Variants in IQANK1 observed in about 807,000 individuals in gnomAD.
IQANK1 encodes the protein IQ motif and ankyrin repeat containing 1.
In IQANK1, 30 loss-of-function variants were observed where a neutral mutation model predicts 22.6. The ratio of observed to expected loss-of-function variants is 1.33; its 90% CI spans 0.99 to 1.80. The LOEUF (loss-of-function observed/expected upper bound fraction) is 1.80. IQANK1 is among the 40% of genes most tolerant of loss of function. The probability of loss-of-function intolerance (pLI) is 0.00; values close to 1 mark genes in which losing one functional copy is unlikely to be tolerated. For missense variants in IQANK1, 275 were observed against 235.2 expected, an observed-to-expected ratio of 1.17 and a Z score of -1.11; for synonymous variants, 122 against 99.6, an observed-to-expected ratio of 1.23 and a Z score of -1.34.
rs1818699871 is a variant in IQANK1 at position 143,735,251 on chromosome 8, C to T, written c.-4-599C>T. On this transcript the variant is annotated intron_variant, in intron 1 of 13. Transcript: ENST00000527139. This position sits in a 1 kb window ranked among gnomAD's most constrained non-coding sequence, Gnocchi z 5.2. ...CGGGGAGGACCCGGACAGGCTGGGGCAGGCAGGAGGAGCCTCCCAGGGAAA... is the reference window on the plus strand; with the variant it reads ...CGGGGAGGACCCGGACAGGCTGGGGTAGGCAGGAGGAGCCTCCCAGGGAAA... 1.3e-5 allele frequency among the ~76,000 whole-genome samples: 2 copies of T among 152,300 alleles called. No individual in the cohort carries two copies. Among genetic ancestry groups the T allele is most frequent in the South Asian group, 4.1e-4 (2 of 4,826 alleles).
chr8:143,767,476 A>C (rs1418184263), intron 3 of IQANK1, among the ~76,000 whole-genome samples: 1 of 152,162 alleles, frequency 6.6e-6, no homozygotes. Flanking sequence ...AAGTAACAGA[A>C]TTAGTATGGG....
chr8:143,788,780 G>A (rs375672741), intron 7 of IQANK1, 135 bp from the exon 8 acceptor site: 7 of 397,076 alleles, frequency 1.8e-5, no homozygotes, highest in Admixed American at 4.4e-5. Context: ...GGCCCACCAC[G>A]CACCAGCTGT....
intron 7 of IQANK1, among the ~76,000 whole-genome samples, chr8:143,785,466 G>T (rs61245451): frequency 2.6e-5 from 4 of 151,978 alleles, no homozygotes; most frequent in African/African-American, 9.7e-5. Flanking sequence ...ATGTTGGCTA[G>T]GCTGGTCTTG....
At chr8:143,736,221 C>G (rs1431963879) in intron 2 of IQANK1, among the ~76,000 whole-genome samples, 1 of 151,320 alleles carries the variant, frequency 6.6e-6, no homozygotes, top group Non-Finnish European at 1.5e-5. Flanking sequence ...CTCACTGCAA[C>G]CTCCGCCTCC....
intron 7 of IQANK1, among the ~76,000 whole-genome samples, chr8:143,775,376 G>A (rs1554630267): frequency 1.4e-5 from 2 of 138,748 alleles, no homozygotes. Context: ...ACACACACAC[G>A]AAAAATGACC....
At chr8:143,756,858 G>A (rs2129858939) in intron 3 of IQANK1, among the ~76,000 whole-genome samples, 1 of 151,050 alleles carries the variant, frequency 6.6e-6, no homozygotes, top group African/African-American at 2.4e-5. Flanking sequence ...CACACTTTTA[G>A]TCCTAGCCAC....
At chr8:143,773,738 C>T (rs1819630979) in intron 7 of IQANK1, among the ~76,000 whole-genome samples, 1 of 152,214 alleles carries the variant, frequency 6.6e-6, no homozygotes, top group Admixed American at 6.5e-5. Flanking sequence ...TCTCTTCTTT[C>T]TCCTTGTCTG....
At chr8:143,789,713 C>T in intron 10 of IQANK1, 48 bp from the exon 11 acceptor site, 1 of 1,225,190 alleles carries the variant, frequency 8.2e-7, no homozygotes, top group Non-Finnish European at 1.0e-6. Context: ...CCCTCTCCAG[C>T]CAGAGCATGG....
intron 7 of IQANK1, among the ~76,000 whole-genome samples, 195 bp from the exon 8 acceptor site, chr8:143,788,720 G>T (rs1554631732): frequency 6.6e-6 from 1 of 152,144 alleles, no homozygotes; most frequent in East Asian, 1.9e-4. Context: ...CCAGCGGCCT[G>T]GGTGGCCTGG....
chr8:143,777,520 TAAAA>T (rs58155811), intron 7 of IQANK1, among the ~76,000 whole-genome samples: 19 of 98,418 alleles, frequency 1.9e-4, no homozygotes, highest in Non-Finnish European at 1.1e-4. Context: ...GACTCCGTCT[TAAAA>T]AAAAAAAAAA....
rs1221806185 is a variant in IQANK1, at chr8:143,790,063, CG to C, written c.1289+1del. On this transcript the variant is annotated frameshift_variant and splice_region_variant, in exon 12 of 14. Coordinates refer to ENST00000527139, the MANE Select transcript of IQANK1 (RefSeq NM_001381874.1). LOFTEE classifies it high-confidence loss of function. ...DVGNRIRADGRWPLVIDPLGQ... is the reference protein window; with the variant it reads ...DVGNRIRADGXWPLVIDPLGQ... ...AGGCAACCGCATCCGTGCCGATGGCCGGTCAGTTCTCCGGGCCAGACGTGGG... is the reference window on the plus strand; with the variant it reads ...AGGCAACCGCATCCGTGCCGATGGCCGTCAGTTCTCCGGGCCAGACGTGGG... 6.5e-6 allele frequency: 8 copies of C among 1,231,992 alleles called. No individual in the cohort carries two copies. Among genetic ancestry groups the C allele is most frequent in the Non-Finnish European group, 8.1e-6 (8 of 988,014 alleles). 76.3% of individuals were successfully genotyped at this position (1,231,992 alleles called of 1,614,324 possible). A position where few individuals can be genotyped will look rare whatever the true frequency, so the allele number is the denominator to read the frequency against.
chr8:143,749,456 CATATATA>C (rs1390323380), intron 3 of IQANK1, among the ~76,000 whole-genome samples: 1 of 127,828 alleles, frequency 7.8e-6, no homozygotes, highest in Non-Finnish European at 1.6e-5. Context: ...TATTATATAT[CATATATA>C]ATATATAAAT....
At chr8:143,781,885 C>T (rs192482893) in intron 7 of IQANK1, among the ~76,000 whole-genome samples, 1 of 152,144 alleles carries the variant, frequency 6.6e-6, no homozygotes, top group Admixed American at 6.6e-5. Flanking sequence ...GGAATAGCGT[C>T]GAATCTGTAA....
intron 3 of IQANK1, among the ~76,000 whole-genome samples, chr8:143,749,423 C>T (rs13253995): frequency 8.2e-6 from 1 of 121,754 alleles, no homozygotes; most frequent in African/African-American, 3.6e-5. Context: ...ATAATATATA[C>T]ATATATCTCA....
At chr8:143,761,379 C>T (rs1397731388) in intron 3 of IQANK1, among the ~76,000 whole-genome samples, 1 of 152,258 alleles carries the variant, frequency 6.6e-6, no homozygotes, top group Non-Finnish European at 1.5e-5. Context: ...CCCGTCTGCT[C>T]CACTGCTTCT....
chr8:143,752,245 C>T lies in IQANK1; in HGVS notation c.175+12297C>T, dbSNP rs150445820. Among the ~76,000 whole-genome samples, 428 of 152,304 alleles carry T rather than the reference C, an allele frequency of 2.8e-3. 3 individuals are homozygous for T. Among genetic ancestry groups the T allele is most frequent in the African/African-American group, 9.7e-3 (403 of 41,562 alleles). ...CCCCCCAAAGTGCTGGGATTACAGG[C>T]GTGAGCCACCACACCCAGCCTTTCT... is the stretch of plus-strand genomic sequence containing the variant. On this transcript the variant is annotated intron_variant, in intron 3 of 13. Coordinates refer to ENST00000527139, the MANE Select transcript of IQANK1 (RefSeq NM_001381874.1).
At chr8:143,737,192 G>A (rs2129746222) in intron 2 of IQANK1, among the ~76,000 whole-genome samples, 1 of 152,334 alleles carries the variant, frequency 6.6e-6, no homozygotes, top group African/African-American at 2.4e-5. Context: ...TGAGTACACT[G>A]CACTCCAATA....
chr8:143,753,523 G>A (rs539881017), intron 3 of IQANK1, among the ~76,000 whole-genome samples: 1 of 146,682 alleles, frequency 6.8e-6, no homozygotes, highest in East Asian at 2.0e-4. Context: ...GCATGATCTC[G>A]GCTCACTGCA....
rs1177960578 is a variant in IQANK1 at position 143,739,592 on chromosome 8, C to T, written c.86-267C>T. 21 of 391,414 alleles carry T rather than the reference C, an allele frequency of 5.4e-5. 2 individuals are homozygous for T. The highest frequency in any genetic ancestry group is 4.2e-4 in the African/African-American group (20 of 48,158). The allele number at this position is 391,414 out of a possible 1,614,324, so 24.2% of individuals were successfully genotyped here. A position where few individuals can be genotyped will look rare whatever the true frequency, so the allele number is the denominator to read the frequency against. The stretch of plus-strand genomic sequence containing the variant: ...TCTAGCAGAGGCACCACCTGCCCAT[C>T]CTTGGGCCCACAAGAGCCCAGGTGC... On this transcript the variant is annotated intron_variant, in intron 2 of 13. Coordinates refer to ENST00000527139, the MANE Select transcript of IQANK1 (RefSeq NM_001381874.1).
Sources: allele counts gnomAD v4.1 joint callset (sites outside exome capture counted in the v4.1 genomes callset), GRCh38; gene constraint gnomAD v4.1.1; non-coding constraint Gnocchi (gnomAD v3.1); transcripts MANE v1.5; gene names NCBI Gene and HGNC (gene_info 2026-07-23, HGNC 2026-07-21).